Variants in RASGRP1 observed in about 807,000 individuals in gnomAD.
The protein encoded by RASGRP1 is RAS guanyl-releasing protein 1.
RASGRP1 carries 37 observed loss-of-function variants against 95.1 expected under a neutral mutation model. The ratio of observed to expected loss-of-function variants is 0.39; its 90% CI spans 0.30 to 0.51. The LOEUF (loss-of-function observed/expected upper bound fraction) is 0.51, where lower values mean the gene tolerates loss of function less well. RASGRP1 is among the 20% of genes least tolerant of loss of function. The pLI, the probability that RASGRP1 is intolerant of heterozygous loss-of-function variation, is 0.80. For synonymous variants in RASGRP1, 325 were observed against 353.4 expected, an observed-to-expected ratio of 0.92 and a Z score of 0.90; for missense variants, 711 against 965.4, an observed-to-expected ratio of 0.74 and a Z score of 3.49.
intron 2 of RASGRP1, among the ~76,000 whole-genome samples, chr15:38,538,230 C>G (rs1235589637): frequency 6.6e-6 from 1 of 152,166 alleles, no homozygotes; most frequent in East Asian, 1.9e-4. Context: ...CACCACTGCA[C>G]TCTAGCCTGG....
Position 38,494,528 on chromosome 15 carries a change from C to A in RASGRP1, c.2113G>T (p.Val705Leu), listed in dbSNP as rs896269994. The change falls in exon 16 of 17, where the codon GTG becomes TTG. Residue 705 changes from valine to leucine, a missense_variant. Val to Leu is a conservative substitution (Grantham distance 32). Transcript: ENST00000310803. ...PRKTAQDTLY[V>L]LPSPTSPCPS... is the part of the protein sequence containing the mutation. ...CATGGAGAGGTGGGACTGGGAAGCA[C>A]ATATAGAGTATCCTGGGCTGTCTTC... is the stretch of plus-strand genomic sequence containing the variant. 7.5e-6 allele frequency: 12 copies of A among 1,595,932 alleles called. No individual in the cohort carries two copies. Among genetic ancestry groups the A allele is most frequent in the Non-Finnish European group, 1.0e-5 (12 of 1,170,868 alleles).
intron 2 of RASGRP1, among the ~76,000 whole-genome samples, chr15:38,543,208 T>C (rs1229987771): frequency 2.0e-5 from 3 of 152,226 alleles, no homozygotes; most frequent in African/African-American, 7.2e-5. Context: ...ATTCATCTCA[T>C]TTTTTGTGTA....
intron 6 of RASGRP1, among the ~76,000 whole-genome samples, chr15:38,513,800 T>A (rs1891643363): frequency 1.3e-5 from 2 of 152,226 alleles, no homozygotes; most frequent in Admixed American, 1.3e-4. Context: ...TCTTTGGTGC[T>A]TTTCCCCAAT....
chr15:38,532,543 T>C (rs1225404391), intron 2 of RASGRP1, among the ~76,000 whole-genome samples: 1 of 152,172 alleles, frequency 6.6e-6, no homozygotes, highest in African/African-American at 2.4e-5. Flanking sequence ...GTTTATGAGA[T>C]CACAATCAGG....
intron 6 of RASGRP1, among the ~76,000 whole-genome samples, chr15:38,513,308 A>C (rs2141116445): frequency 6.6e-6 from 1 of 152,328 alleles, no homozygotes; most frequent in East Asian, 1.9e-4. Flanking sequence ...ATTGCTGCTA[A>C]GGTTAAGGGA....
intron 2 of RASGRP1, 76 bp from the exon 3 acceptor site, chr15:38,526,480 C>G (rs1566926351): frequency 9.2e-7 from 1 of 1,088,688 alleles, no homozygotes; most frequent in Non-Finnish European, 1.4e-6. Flanking sequence ...TGCAAACCCT[C>G]TGTGACTCAG....
chr15:38,518,888 C>T (rs376474300), intron 4 of RASGRP1, among the ~76,000 whole-genome samples: 29 of 151,834 alleles, frequency 1.9e-4, no homozygotes, highest in African/African-American at 6.3e-4. Flanking sequence ...GATATAAAAC[C>T]GTATATATAT....
chr15:38,503,143 A>C, intron 11 of RASGRP1, 129 bp downstream of exon 11: 1 of 707,486 alleles, frequency 1.4e-6, no homozygotes, highest in Non-Finnish European at 2.4e-6. Context: ...AGCCACAGTA[A>C]GAGAAGTAAG....
intron 2 of RASGRP1, among the ~76,000 whole-genome samples, chr15:38,550,876 G>A (rs576246879): frequency 5.9e-5 from 9 of 152,060 alleles, no homozygotes; most frequent in Admixed American, 4.6e-4. Context: ...TATTTTCTAC[G>A]TTCTCTATGG....
rs1891777020 is a variant in RASGRP1, at chr15:38,516,198, G to A, written c.674C>T (p.Ser225Leu). The A allele has an allele frequency of 3.8e-6, 6 of 1,586,990 alleles. No homozygotes were observed. The highest frequency in any genetic ancestry group is 2.7e-5 in the African/African-American group (2 of 74,206). Residue 225 changes from serine to leucine, a missense_variant and splice_region_variant, in exon 6 of 17, where the codon TCG becomes TTG. This residue lies in a region of RASGRP1 where 491 missense variants were observed against 676.6 expected (regional missense o/e 0.73). Coordinates refer to ENST00000310803, the MANE Select transcript of RASGRP1 (RefSeq NM_005739.4). Reference protein sequence around the residue: ...YLEFKSFRRISFSDYQNYLVN... With the variant: ...YLEFKSFRRILFSDYQNYLVN... ...TTCTCCTGCCCCTTGCATACATACCGATATCCTCCGGAAAGACTTGAACTC... is the reference window on the plus strand; with the variant it reads ...TTCTCCTGCCCCTTGCATACATACCAATATCCTCCGGAAAGACTTGAACTC...
chr15:38,526,304 G>A lies in RASGRP1; in HGVS notation c.321C>T (p.Ile107=). 6.2e-7 allele frequency: 1 copy of A among 1,611,676 alleles called. No homozygotes were observed. The highest frequency in any genetic ancestry group is 1.1e-5 in the South Asian group (1 of 91,024). ...GTCACTATGTTAAAGGATATAGGGT[G>A]ATAACTTTTTGGAGCAGTTCTGCAG... ...ISSAELLQKV[I]TLYKDALAKN... Residue 107 remains isoleucine, a synonymous_variant, in exon 3 of 17, where the codon ATC becomes ATT. Coordinates refer to ENST00000310803, the MANE Select transcript of RASGRP1 (RefSeq NM_005739.4).
At chr15:38,520,459 G>A (rs1891958536) in intron 3 of RASGRP1, among the ~76,000 whole-genome samples, 1 of 152,176 alleles carries the variant, frequency 6.6e-6, no homozygotes, top group Non-Finnish European at 1.5e-5. Context: ...TTTTTTGTCA[G>A]GAAGGAGATC....
chr15:38,552,681 TTTC>T (rs1893385792), intron 2 of RASGRP1, among the ~76,000 whole-genome samples: 1 of 152,228 alleles, frequency 6.6e-6, no homozygotes, highest in African/African-American at 2.4e-5. Context: ...GTTTTGAGTA[TTTC>T]TTATCTTTGT....
chr15:38,515,450 G>A (rs1202874925), intron 6 of RASGRP1, among the ~76,000 whole-genome samples: 1 of 152,188 alleles, frequency 6.6e-6, no homozygotes. Flanking sequence ...CTGACATGTT[G>A]ACAAGTTCTC....
chr15:38,503,293 T>C lies in RASGRP1; in HGVS notation c.1407A>G (p.Lys469=). Residue 469 remains lysine, a synonymous_variant, in exon 11 of 17, where the codon AAA becomes AAG. Coordinates refer to ENST00000310803, the MANE Select transcript of RASGRP1 (RefSeq NM_005739.4). ...SPKPDPKTIS[K]HVQRMVDSVF... ...TTACATCCACCATCCTCTGGACGTG[T>C]TTGCTAATGGTTTTTGGATCAGGTT... is the stretch of plus-strand genomic sequence containing the variant. 1.2e-6 allele frequency: 2 copies of C among 1,611,264 alleles called. No homozygotes were observed. Among genetic ancestry groups the C allele is most frequent in the Non-Finnish European group, 1.7e-6 (2 of 1,178,174 alleles).
rs1279324286 is a variant in RASGRP1 at position 38,500,111 on chromosome 15, C to T, written c.1712G>A (p.Arg571Gln). ...ACAATATTGAGTCTTACCTTTACAT[C>T]GATATCCTTGTTTGATCACTCCCCA... ...FLWGVIKQGY[R>Q]CKDCGMNCHK... is the part of the protein sequence containing the mutation. The change falls in exon 14 of 17, where the codon CGA becomes CAA. Residue 571 changes from arginine (R) to glutamine (Q), a missense_variant. Arg to Gln is a conservative substitution (Grantham distance 43, BLOSUM62 1). This residue lies in a region of RASGRP1 where 8 missense variants were observed against 40.9 expected (regional missense o/e 0.20). Coordinates refer to ENST00000310803, the MANE Select transcript of RASGRP1 (RefSeq NM_005739.4). 3.1e-6 allele frequency: 5 copies of T among 1,612,938 alleles called. No individual in the cohort carries two copies. The highest frequency in any genetic ancestry group is 2.7e-5 in the African/African-American group (2 of 74,900).
At chr15:38,495,448 G>A (rs1890760876) in intron 15 of RASGRP1, among the ~76,000 whole-genome samples, 1 of 152,108 alleles carries the variant, frequency 6.6e-6, no homozygotes, top group Admixed American at 6.6e-5. Flanking sequence ...CGATAGATAG[G>A]CTTTAAGATA....
chr15:38,500,581 A>G (rs1010721858), intron 13 of RASGRP1, among the ~76,000 whole-genome samples: 2 of 151,978 alleles, frequency 1.3e-5, no homozygotes, highest in Non-Finnish European at 2.9e-5. Flanking sequence ...CGGGGCCTCA[A>G]GTGATCTGCC....
At chr15:38,492,590 C>T (rs1271142927) in intron 16 of RASGRP1, among the ~76,000 whole-genome samples, 1 of 152,180 alleles carries the variant, frequency 6.6e-6, no homozygotes, top group Non-Finnish European at 1.5e-5. Flanking sequence ...CATTCCTCCT[C>T]CTGTAATAAA....
Sources: gnomAD v4.1 joint callset for allele counts (sites outside exome capture counted in the v4.1 genomes callset) on GRCh38, gnomAD v4.1.1 for gene constraint, gnomAD v4.1.1 regional missense constraint, MANE v1.5 for transcripts, NCBI Gene and HGNC (gene_info 2026-07-23, HGNC 2026-07-21) for gene names.